The following ZNF562 variants were observed in gnomAD, a reference collection of about 807,000 sequenced individuals.
The protein encoded by ZNF562 is zinc finger protein 562.
Under a neutral mutation model 17.5 loss-of-function variants are expected in ZNF562, and 13 were observed. That is an observed-to-expected ratio of 0.74 (90% confidence interval 0.48 to 1.18). ZNF562 has a LOEUF of 1.18. Ranked by LOEUF, ZNF562 falls within the 50% of genes most tolerant of loss-of-function variation. The probability of loss-of-function intolerance (pLI) is 0.00; values close to 1 mark genes in which losing one functional copy is unlikely to be tolerated. For synonymous variants in ZNF562, 163 were observed against 165.4 expected (o/e 0.99, Z 0.11); for missense variants, 481 against 498.5 (o/e 0.96, Z 0.33).
chr19:9,669,777 A>ACAC (rs2044113600), intron 1 of ZNF562, among the ~76,000 whole-genome samples: 2 of 88,780 alleles, frequency 2.3e-5, no homozygotes, highest in East Asian at 4.0e-4. Context: ...CACACACACA[A>ACAC]CCAGTCAGGG....
At chr19:9,664,154 C>T (rs939008112) in intron 1 of ZNF562, among the ~76,000 whole-genome samples, 29 of 152,054 alleles carry the variant, frequency 1.9e-4, no homozygotes, top group African/African-American at 4.8e-5. Context: ...CTGCAACCTC[C>T]GCCTCTTTGG....
At chr19:9,667,054 A>G (rs972746409) in intron 1 of ZNF562, among the ~76,000 whole-genome samples, 1 of 152,226 alleles carries the variant, frequency 6.6e-6, no homozygotes, top group East Asian at 1.9e-4. Flanking sequence ...AAACCAGACA[A>G]GAGCACAACA....
At position 9,666,915 on chromosome 19, in the gene ZNF562, C is replaced by A. The variant is rs574450922; in HGVS notation, c.-130-6041G>T. On this transcript the variant is annotated intron_variant, in intron 1 of 5. Transcript: ENST00000453372. ...CAAAGAAAAGCCCAGGACCTGATAACTTCACTGCTGAATCCTACCAAAAAC... is the reference window on the plus strand; with the variant it reads ...CAAAGAAAAGCCCAGGACCTGATAAATTCACTGCTGAATCCTACCAAAAAC... Among the ~76,000 whole-genome samples, 14 of 152,294 alleles carry A rather than the reference C, an allele frequency of 9.2e-5. No individual in the cohort carries two copies. In the East Asian group the frequency reaches 2.5e-3, roughly 27 times the overall value.
intron 1 of ZNF562, among the ~76,000 whole-genome samples, chr19:9,671,740 A>T (rs2044206878): frequency 6.6e-6 from 1 of 152,242 alleles, no homozygotes; most frequent in Non-Finnish European, 1.5e-5. Flanking sequence ...AGCCTCCGGC[A>T]TGCACCAACA....
Position 9,644,025 on chromosome 19 carries a change from C to T in ZNF562, c.*8924G>A, listed in dbSNP as rs2144937970. 2 of 151,956 alleles carry T rather than the reference C, an allele frequency of 1.3e-5. No individual in the cohort carries two copies. Among genetic ancestry groups the T allele is most frequent in the Middle Eastern group, 3.4e-3 (1 of 294 alleles). 9.4% of individuals were successfully genotyped at this position (151,956 alleles called of 1,614,324 possible). ...TTTAGCCAGGATCATCTCAATCTGA[C>T]CTTGTGATCCACCTGCCTCAGCCTC... On this transcript the variant is annotated 3_prime_UTR_variant, in exon 6 of 6. Coordinates refer to ENST00000453372, the MANE Select transcript of ZNF562 (RefSeq NM_001130031.2).
chr19:9,657,385 C>T (rs1490251832), intron 4 of ZNF562, among the ~76,000 whole-genome samples: 5 of 145,372 alleles, frequency 3.4e-5, no homozygotes, highest in Non-Finnish European at 6.0e-5. Flanking sequence ...CAGAGTGAGA[C>T]TCCCTCAAAA....
At chr19:9,664,458 G>T (rs1294728467) in intron 1 of ZNF562, among the ~76,000 whole-genome samples, 1 of 152,194 alleles carries the variant, frequency 6.6e-6, no homozygotes, top group East Asian at 1.9e-4. Flanking sequence ...TGGTTAAGTT[G>T]TTCCACCACT....
intron 1 of ZNF562, among the ~76,000 whole-genome samples, chr19:9,669,252 T>A (rs572573760): frequency 6.6e-6 from 1 of 152,032 alleles, no homozygotes; most frequent in South Asian, 2.1e-4. Context: ...GAACTCAAAC[T>A]TGATAACAAA....
chr19:9,672,242 TGAG>T (rs2044223088), intron 1 of ZNF562, among the ~76,000 whole-genome samples: 2 of 152,196 alleles, frequency 1.3e-5, no homozygotes, highest in African/African-American at 2.4e-5. Flanking sequence ...GTTGAATCAA[TGAG>T]GAGAATTTTA....
chr19:9,669,734 G>GAGCGCGCGCGCGCGCGCGCACACA (rs2044097826), intron 1 of ZNF562, among the ~76,000 whole-genome samples: 1 of 109,300 alleles, frequency 9.1e-6, no homozygotes, highest in Non-Finnish European at 1.9e-5. Context: ...GCGCGCGCGC[G>GAGCGCGCGCGCGCGCGCGCACACA]CACACACACA....
chr19:9,674,502 A>G (rs1355937184), intron 1 of ZNF562: 1 of 151,884 alleles, frequency 6.6e-6, no homozygotes, highest in Non-Finnish European at 1.5e-5. Flanking sequence ...GCGACAGAGT[A>G]AGACTCCAAA....
In ZNF562 at chr19:9,669,734, GCACACACA is replaced by G. The variant is rs71188835; in HGVS notation, c.-131+5273_-131+5280del. ...CGCGCGCGAGCGCGCGCGCGCGCGC[GCACACACA>G]CACACACACACACACACACACACAC... On this transcript the variant is annotated intron_variant, in intron 1 of 5. Transcript: ENST00000453372. Among the ~76,000 whole-genome samples, 609 of 109,314 alleles carry G rather than the reference GCACACACA, an allele frequency of 5.6e-3. 1 individual carries two copies. The highest frequency in any genetic ancestry group is 6.5e-3 in the East Asian group (22 of 3,370). 71.7% of individuals were successfully genotyped at this position (109,314 alleles called of 152,430 possible).
intron 1 of ZNF562, among the ~76,000 whole-genome samples, chr19:9,663,299 T>C (rs1462466854): frequency 6.7e-6 from 1 of 148,964 alleles, no homozygotes; most frequent in Non-Finnish European, 1.5e-5. Context: ...TAGTCCCAGA[T>C]ACTCAGGAGG....
At chr19:9,654,062 C>T (rs564421402) in intron 5 of ZNF562, among the ~76,000 whole-genome samples, 181 bp from the exon 6 acceptor site, 8 of 150,504 alleles carry the variant, frequency 5.3e-5, no homozygotes, top group Non-Finnish European at 4.4e-5. Context: ...ACAATCTCTG[C>T]TAACTGCAAC....
At chr19:9,659,495 A>G in intron 2 of ZNF562, 28 bp from the exon 3 acceptor site, 7 of 1,547,706 alleles carry the variant, frequency 4.5e-6, no homozygotes, top group Non-Finnish European at 6.1e-6. Flanking sequence ...AGGCATGAGA[A>G]GCCAGAGCTG....
rs2043707460 is a variant in ZNF562, at chr19:9,660,817, T to C, written c.-73A>G. 1.3e-6 allele frequency: 2 copies of C among 1,521,808 alleles called. No individual in the cohort carries two copies. The highest frequency in any genetic ancestry group is 1.7e-4 in the Middle Eastern group (1 of 5,804). The allele number at this position is 1,521,808 out of a possible 1,614,324, so 94.3% of individuals were successfully genotyped here. A position where few individuals can be genotyped will look rare whatever the true frequency, so the allele number is the denominator to read the frequency against. On this transcript the variant is annotated 5_prime_UTR_variant, in exon 2 of 6. Coordinates refer to ENST00000453372, the MANE Select transcript of ZNF562 (RefSeq NM_001130031.2). ...GCCAAGATCGCCTCAGGGCAGCTTA[T>C]GAATCTAGGTGGATACAGGCAATCT... is the stretch of plus-strand genomic sequence containing the variant.
At chr19:9,667,267 C>T (rs951741996) in intron 1 of ZNF562, among the ~76,000 whole-genome samples, 7 of 152,054 alleles carry the variant, frequency 4.6e-5, no homozygotes, top group South Asian at 4.1e-4. Context: ...GAATAAAAAC[C>T]GTATGAGATT....
chr19:9,664,044 C>T (rs1371553153), intron 1 of ZNF562, among the ~76,000 whole-genome samples: 1 of 151,998 alleles, frequency 6.6e-6, no homozygotes, highest in Non-Finnish European at 1.5e-5. Flanking sequence ...TGTGAGCCAC[C>T]ACACCTGGTC....
chr19:9,660,300 A>G (rs943739209), intron 2 of ZNF562, among the ~76,000 whole-genome samples: 2 of 151,734 alleles, frequency 1.3e-5, no homozygotes, highest in Non-Finnish European at 2.9e-5. Flanking sequence ...AAAATAAAAG[A>G]GCATTCTGCG....
Sources: allele counts gnomAD v4.1 joint callset (sites outside exome capture counted in the v4.1 genomes callset), GRCh38; gene constraint gnomAD v4.1.1; transcripts MANE v1.5; gene names NCBI Gene and HGNC (gene_info 2026-07-23, HGNC 2026-07-21).